The following MAPK10 variants were observed in gnomAD, a reference collection of about 807,000 sequenced individuals.
The protein encoded by MAPK10 is JNK3 alpha protein kinase.
MAPK10 carries 25 observed loss-of-function variants against 59.3 expected under a neutral mutation model. The observed-to-expected ratio is 0.42, with a 90% CI of 0.31 to 0.59. The LOEUF (loss-of-function observed/expected upper bound fraction) is 0.59. Among genes scored for constraint, MAPK10 ranks in the 20% least tolerant of loss-of-function variants. The pLI is 0.15. For missense variants in MAPK10, 351 were observed against 568.9 expected (o/e 0.62, Z 3.90); for synonymous variants, 190 against 200.5 (o/e 0.95, Z 0.44).
At chr4:86,182,863 A>G (rs2077217636) in intron 3 of MAPK10, among the ~76,000 whole-genome samples, 1 of 152,110 alleles carries the variant, frequency 6.6e-6, no homozygotes, top group Non-Finnish European at 1.5e-5. Flanking sequence ...TTAAAAGCTC[A>G]TAATAAGCAA....
chr4:86,351,396 AACACAC>A (rs142964843), intron 2 of MAPK10, among the ~76,000 whole-genome samples: 656 of 132,400 alleles, frequency 5.0e-3, no homozygotes, highest in African/African-American at 6.5e-3. Context: ...TGTATACACA[AACACAC>A]ACACACACAC....
intron 1 of MAPK10, among the ~76,000 whole-genome samples, chr4:86,436,725 A>G (rs1041645495): frequency 2.0e-5 from 3 of 152,132 alleles, no homozygotes; most frequent in Non-Finnish European, 4.4e-5. Flanking sequence ...TGACTGTTGT[A>G]TAGTTAATAT....
At chr4:86,308,856 C>T (rs948028556) in intron 2 of MAPK10, 2 of 152,128 alleles carry the variant, frequency 1.3e-5, no homozygotes, top group African/African-American at 4.8e-5. Flanking sequence ...GTTATTAAAG[C>T]TAACTGTTCT....
intron 9 of MAPK10, chr4:86,079,506 T>C (rs1312493487): frequency 6.6e-6 from 1 of 152,190 alleles, no homozygotes; most frequent in African/African-American, 2.4e-5. Flanking sequence ...CACCTTCAGT[T>C]GTATGATATT....
intron 2 of MAPK10, among the ~76,000 whole-genome samples, chr4:86,280,256 A>C (rs2094746093): frequency 1.3e-5 from 2 of 152,184 alleles, no homozygotes. Context: ...ACTAACAAGC[A>C]AAAAACAAAT....
At chr4:86,586,353 C>T (rs1762649825) in intron 1 of MAPK10, among the ~76,000 whole-genome samples, 1 of 152,118 alleles carries the variant, frequency 6.6e-6, no homozygotes, top group Non-Finnish European at 1.5e-5. Context: ...GTATCATCAG[C>T]CCCGAGGGCC....
chr4:86,259,770 A>C (rs934240137), intron 2 of MAPK10, among the ~76,000 whole-genome samples: 1 of 152,200 alleles, frequency 6.6e-6, no homozygotes, highest in African/African-American at 2.4e-5. Context: ...TGCATCTACA[A>C]ATGAAAACCA....
At chr4:86,374,049 T>A (rs1426113412) in intron 1 of MAPK10, among the ~76,000 whole-genome samples, 1 of 152,036 alleles carries the variant, frequency 6.6e-6, no homozygotes. Flanking sequence ...ATGTGGCACA[T>A]ATACACCATG....
chr4:86,484,022 G>A (rs1579363728), intron 1 of MAPK10, among the ~76,000 whole-genome samples: 1 of 152,134 alleles, frequency 6.6e-6, no homozygotes, highest in Non-Finnish European at 1.5e-5. Flanking sequence ...GGAGAGCAAT[G>A]CACTTCAGGG....
chr4:86,234,948 A>G (rs2092051287), intron 2 of MAPK10, among the ~76,000 whole-genome samples: 4 of 152,198 alleles, frequency 2.6e-5, no homozygotes, highest in Admixed American at 1.3e-4. Flanking sequence ...GTAACGGATT[A>G]GGAGAAAAGA....
At chr4:86,323,459 C>G (rs2095948642) in intron 2 of MAPK10, among the ~76,000 whole-genome samples, 2 of 152,146 alleles carry the variant, frequency 1.3e-5, no homozygotes, top group Admixed American at 6.6e-5. Context: ...TTAAATCTCA[C>G]CAAATCATGT....
At chr4:86,553,288 A>T (rs2149101040) in intron 1 of MAPK10, among the ~76,000 whole-genome samples, 1 of 152,282 alleles carries the variant, frequency 6.6e-6, no homozygotes, top group East Asian at 1.9e-4. Flanking sequence ...GCAAGAGATA[A>T]GATTGAAATA....
chr4:86,372,828 C>T (rs1739118831), intron 1 of MAPK10, among the ~76,000 whole-genome samples: 1 of 152,144 alleles, frequency 6.6e-6, no homozygotes, highest in South Asian at 2.1e-4. Context: ...CTAAAACCAA[C>T]ACCCTAACAT....
At chr4:86,156,607 G>C (rs1427148452) in intron 4 of MAPK10, among the ~76,000 whole-genome samples, 1 of 151,952 alleles carries the variant, frequency 6.6e-6, no homozygotes, top group Non-Finnish European at 1.5e-5. Context: ...CACCACTTTG[G>C]CTGTCCATTT....
intron 2 of MAPK10, among the ~76,000 whole-genome samples, chr4:86,246,324 G>A (rs990599926): frequency 1.4e-4 from 21 of 152,128 alleles, no homozygotes; most frequent in African/African-American, 2.9e-4. Context: ...CCAGCTACTC[G>A]GGAGGCTGAG....
chr4:86,342,117 G>A (rs1021180012), intron 2 of MAPK10, among the ~76,000 whole-genome samples: 20 of 152,170 alleles, frequency 1.3e-4, no homozygotes, highest in African/African-American at 4.6e-4. Context: ...CAGGTAACTA[G>A]ACACATCAAA....
At position 86,473,848 on chromosome 4, in the gene MAPK10, T is replaced by A. The variant is rs535512857; in HGVS notation, c.-262-119204A>T. The stretch of plus-strand genomic sequence containing the variant: ...GATTCCAGCAGCCAGCAATGCTATA[T>A]CCTCCAGGCATGAGAGTCTAGCTGG... On this transcript the variant is annotated intron_variant, in intron 1 of 4. Transcript: ENST00000502302. 2.4e-4 allele frequency among the ~76,000 whole-genome samples: 36 copies of A among 152,264 alleles called. No homozygotes were observed. In the South Asian group the frequency reaches 7.5e-3, roughly 32 times the overall value.
intron 1 of MAPK10, among the ~76,000 whole-genome samples, chr4:86,443,360 C>G (rs534676938): frequency 2.6e-5 from 4 of 151,976 alleles, no homozygotes; most frequent in African/African-American, 9.7e-5. Flanking sequence ...TTTACCAGCC[C>G]CTAACTTACT....
intron 3 of MAPK10, among the ~76,000 whole-genome samples, chr4:86,185,219 G>A (rs957626525): frequency 6.6e-5 from 10 of 152,142 alleles, no homozygotes; most frequent in African/African-American, 2.4e-4. Flanking sequence ...TGGAGAGAGA[G>A]GAGCAAAATT....
Sources: allele counts gnomAD v4.1 joint callset (sites outside exome capture counted in the v4.1 genomes callset), GRCh38; gene constraint gnomAD v4.1.1; transcripts MANE v1.5; gene names NCBI Gene and HGNC (gene_info 2026-07-23, HGNC 2026-07-21).